The following NLK variants were observed in gnomAD, a reference collection of about 807,000 sequenced individuals.
NLK encodes nemo like kinase.
NLK carries 11 observed loss-of-function variants against 59.0 expected under a neutral mutation model. That is an observed-to-expected ratio of 0.19 (90% confidence interval 0.12 to 0.31). The LOEUF is 0.31. NLK is among the 10% of genes least tolerant of loss of function. The probability of loss-of-function intolerance (pLI) is 1.00; values close to 1 mark genes in which losing one functional copy is unlikely to be tolerated. For missense variants in NLK, 410 were observed against 661.1 expected (o/e 0.62, Z 4.16); for synonymous variants, 235 against 235.9 (o/e 1.00, Z 0.03).
At chr17:28,178,735 G>C (rs907427996) in intron 7 of NLK, among the ~76,000 whole-genome samples, 5 of 152,174 alleles carry the variant, frequency 3.3e-5, no homozygotes, top group African/African-American at 1.2e-4. Flanking sequence ...AGTTCATTCA[G>C]TTCAAACTTA....
At chr17:28,110,488 G>C (rs1210071931) in intron 1 of NLK, among the ~76,000 whole-genome samples, 1 of 140,490 alleles carries the variant, frequency 7.1e-6, no homozygotes, top group Non-Finnish European at 1.6e-5. Context: ...GGTTTTTTGG[G>C]TTTTTTTTTT....
intron 1 of NLK, among the ~76,000 whole-genome samples, chr17:28,072,087 A>G (rs931836764): frequency 6.6e-6 from 1 of 152,118 alleles, no homozygotes; most frequent in African/African-American, 2.4e-5. Context: ...GCAAAGTGTC[A>G]TATTTCTGTG....
At chr17:28,123,820 G>A (rs1445153780) in intron 2 of NLK, among the ~76,000 whole-genome samples, 2 of 152,074 alleles carry the variant, frequency 1.3e-5, no homozygotes, top group East Asian at 3.8e-4. Flanking sequence ...AATTTACCTG[G>A]AGGTCGCCAG....
chr17:28,197,226 T>C (rs1199476409), downstream of NLK, among the ~76,000 whole-genome samples: 1 of 152,106 alleles, frequency 6.6e-6, no homozygotes, highest in Non-Finnish European at 1.5e-5. Context: ...CTCAGCACTT[T>C]GGGAGGCTGA....
intron 3 of NLK, among the ~76,000 whole-genome samples, chr17:28,140,888 G>A (rs960038241): frequency 4.0e-5 from 6 of 151,844 alleles, no homozygotes; most frequent in African/African-American, 9.7e-5. Flanking sequence ...GTATCAATTC[G>A]TGTAAGAACA....
chr17:28,183,390 A>G (rs529860352), intron 7 of NLK, among the ~76,000 whole-genome samples: 1 of 152,222 alleles, frequency 6.6e-6, no homozygotes, highest in South Asian at 2.1e-4. Context: ...GTGCAGTGGC[A>G]TAAGCACAGC....
intron 1 of NLK, among the ~76,000 whole-genome samples, chr17:28,084,356 G>A (rs184790155): frequency 5.9e-5 from 9 of 152,308 alleles, no homozygotes; most frequent in East Asian, 3.9e-4. Context: ...TTATTAAGAT[G>A]AAATAGGTTT....
At chr17:28,202,978 G>A in the NLK span, among the ~76,000 whole-genome samples, 5 of 151,780 alleles carry the variant, frequency 3.3e-5, no homozygotes, top group East Asian at 1.9e-4. Context: ...CACTGCGCCC[G>A]GCCATTTCTT....
rs190844487 is a variant in NLK, at chr17:28,185,284, T to A, written c.1236+19T>A. On this transcript the variant is annotated intron_variant, in intron 8 of 10. Transcript: ENST00000407008. ...TGATCCAGTAAGTAGTGTTTTTTTT[T>A]ATATATTTTTAATGAATTACAAATA... The A allele has an allele frequency of 7.2e-4, 1,032 of 1,427,944 alleles. 4 individuals are homozygous for A. Among genetic ancestry groups the A allele is most frequent in the East Asian group, 1.2e-3 (50 of 40,366 alleles). 88.5% of individuals were successfully genotyped at this position (1,427,944 alleles called of 1,614,324 possible).
intron 8 of NLK, among the ~76,000 whole-genome samples, chr17:28,186,203 T>C (rs1403784751): frequency 6.6e-6 from 1 of 152,192 alleles, no homozygotes; most frequent in African/African-American, 2.4e-5. Flanking sequence ...CATTGGTCCA[T>C]TTGTAGTGAG....
chr17:28,132,441 G>A (rs1906558318), intron 2 of NLK, among the ~76,000 whole-genome samples, 179 bp from the exon 3 acceptor site: 1 of 152,174 alleles, frequency 6.6e-6, no homozygotes, highest in Non-Finnish European at 1.5e-5. Flanking sequence ...TGGATAGTAA[G>A]TGTACGAATC....
chr17:28,131,416 G>C (rs1278408707), intron 2 of NLK, among the ~76,000 whole-genome samples: 1 of 151,312 alleles, frequency 6.6e-6, no homozygotes. Flanking sequence ...TAGAGATACT[G>C]ATTATGGCTG....
chr17:28,082,001 C>G (rs775007307), intron 1 of NLK, among the ~76,000 whole-genome samples: 33 of 152,218 alleles, frequency 2.2e-4, no homozygotes, highest in Non-Finnish European at 4.7e-4. Flanking sequence ...TCAAGTGATT[C>G]TCTTGCCTCA....
intron 10 of NLK, 60 bp from the exon 11 acceptor site, chr17:28,194,522 A>T: frequency 8.1e-7 from 1 of 1,228,182 alleles, no homozygotes; most frequent in South Asian, 1.4e-5. Flanking sequence ...GGAAGTAGTG[A>T]ATTACCCTTT....
the NLK span, among the ~76,000 whole-genome samples, chr17:28,204,245 T>C: frequency 6.6e-6 from 1 of 152,314 alleles, no homozygotes; most frequent in East Asian, 1.9e-4. Flanking sequence ...GCCCCAGAGT[T>C]TGTGGTCTGA....
chr17:28,107,108 A>G (rs1905200956), intron 1 of NLK, among the ~76,000 whole-genome samples: 1 of 152,176 alleles, frequency 6.6e-6, no homozygotes. Context: ...TCACTGGTGA[A>G]TATTTTTCAG....
At chr17:28,044,656 C>T (rs578124143) in intron 1 of NLK, among the ~76,000 whole-genome samples, 4 of 152,298 alleles carry the variant, frequency 2.6e-5, no homozygotes, top group African/African-American at 9.6e-5. Context: ...CTGTTCCTGC[C>T]TTCCTCTCTT....
chr17:28,165,261 C>G (rs991375350), intron 5 of NLK, among the ~76,000 whole-genome samples: 18 of 152,086 alleles, frequency 1.2e-4, no homozygotes, highest in African/African-American at 3.4e-4. Flanking sequence ...CCAATTTCTT[C>G]TTATTTTGGT....
chr17:28,080,425 A>AT (rs1241141948), intron 1 of NLK, among the ~76,000 whole-genome samples: 11 of 152,220 alleles, frequency 7.2e-5, no homozygotes, highest in Admixed American at 5.9e-4. Context: ...ACCAAAAAAA[A>AT]GAAAGATCAT....
Sources: gnomAD v4.1 joint callset for allele counts (sites outside exome capture counted in the v4.1 genomes callset) on GRCh38, gnomAD v4.1.1 for gene constraint, MANE v1.5 for transcripts, NCBI Gene and HGNC (gene_info 2026-07-23, HGNC 2026-07-21) for gene names.